Variants in NPAP1 observed in about 807,000 individuals in gnomAD.
NPAP1 encodes the protein nuclear pore associated protein 1, also known as nuclear pore-associated protein 1.
For missense variants in NPAP1, 1,483 were observed against 1,454.5 expected, an observed-to-expected ratio of 1.02 and a Z score of -0.32; for synonymous variants, 616 against 581.4, an observed-to-expected ratio of 1.06 and a Z score of -0.86.
Position 24,678,707 on chromosome 15 carries a change from A to C in NPAP1, c.2840A>C (p.Glu947Ala). The change falls in exon 1 of 1, where the codon GAG (glutamate) becomes GCG (alanine). Residue 947 changes from glutamate (E) to alanine (A), a missense_variant. Transcript: ENST00000329468. ...AGCATAATTCCACCAGGTTTTGCAG[A>C]GTTAACATCACCATATACTGCATTG... Reference protein sequence around the residue: ...SGSIIPPGFAELTSPYTALGT... With the variant: ...SGSIIPPGFAALTSPYTALGT... 1 of 1,614,186 alleles carries C rather than the reference A, an allele frequency of 6.2e-7. No individual in the cohort carries two copies. Among genetic ancestry groups the C allele is most frequent in the Non-Finnish European group, 8.5e-7 (1 of 1,180,042 alleles).
rs993906314 is a variant in NPAP1, at chr15:24,682,745, A to T, written c.*3407A>T. ...TTTTCTCCTTGAACTCTTTTCCCAT[A>T]AAAAAAAAATGTTTTTGGTTTCTAG... On this transcript the variant is annotated 3_prime_UTR_variant, in exon 1 of 1. Coordinates refer to ENST00000329468, the MANE Select transcript of NPAP1 (RefSeq NM_018958.3). The T allele has an allele frequency of 2.0e-4, 33 of 161,124 alleles. No individual in the cohort carries two copies. The highest frequency in any genetic ancestry group is 5.8e-4 in the African/African-American group (23 of 39,934). The allele number at this position is 161,124 out of a possible 1,614,324, so 10.0% of individuals were successfully genotyped here. A position where few individuals can be genotyped will look rare whatever the true frequency, so the allele number is the denominator to read the frequency against.
In NPAP1 at chr15:24,678,484, A is replaced by G; in HGVS notation, c.2617A>G (p.Thr873Ala). The G allele has an allele frequency of 6.2e-7, 1 of 1,614,162 alleles. No individual in the cohort carries two copies. Among genetic ancestry groups the G allele is most frequent in the Non-Finnish European group, 8.5e-7 (1 of 1,180,030 alleles). Reference sequence around the variant, plus strand: ...CAGCATTGCCTCAGCCCAAGTCTCCACCAGTTTTCCTGCACAGGCAGATAG... The same window carrying G: ...CAGCATTGCCTCAGCCCAAGTCTCCGCCAGTTTTCCTGCACAGGCAGATAG... ...SDSIASAQVS[T>A]SFPAQADRRP... The change falls in exon 1 of 1, where the codon ACC becomes GCC. Residue 873 changes from threonine (T) to alanine (A), a missense_variant. Coordinates refer to ENST00000329468, the MANE Select transcript of NPAP1 (RefSeq NM_018958.3).
chr15:24,677,132 C>A lies in NPAP1; in HGVS notation c.1265C>A (p.Ala422Asp). ...ACCACTTACACTTCCCAGGTCTCAG[C>A]TCCTTTGCCCATCCCTGACTTGGCT... The part of the protein sequence containing the change: ...PLTTYTSQVS[A>D]PLPIPDLADL... The change falls in exon 1 of 1, where the codon GCT becomes GAT. Residue 422 changes from alanine (A) to aspartate (D), a missense_variant. Ala to Asp is a moderately radical substitution (Grantham distance 126). Transcript: ENST00000329468. The A allele has an allele frequency of 6.2e-7, 1 of 1,614,122 alleles. No individual in the cohort carries two copies. Among genetic ancestry groups the A allele is most frequent in the Non-Finnish European group, 8.5e-7 (1 of 1,180,020 alleles).
Position 24,677,692 on chromosome 15 carries a change from G to T in NPAP1, c.1825G>T (p.Ala609Ser), listed in dbSNP as rs1471787506. 1 of 1,614,178 alleles carries T rather than the reference G, an allele frequency of 6.2e-7. No individual in the cohort carries two copies. Residue 609 changes from alanine to serine, a missense_variant, in exon 1 of 1, where the codon GCA (alanine) becomes TCA (serine). Transcript: ENST00000329468. ...SLPNSQIHCS[A>S]EQRHPGKTSV... Reference sequence around the variant, plus strand: ...CCCAAATTCCCAAATACATTGCAGTGCAGAGCAGAGGCACCCGGGAAAGAC... The same window carrying T: ...CCCAAATTCCCAAATACATTGCAGTTCAGAGCAGAGGCACCCGGGAAAGAC...
rs2141310229 is a variant in NPAP1 at position 24,677,380 on chromosome 15, C to T, written c.1513C>T (p.Pro505Ser). 6.2e-7 allele frequency: 1 copy of T among 1,614,108 alleles called. No individual in the cohort carries two copies. The highest frequency in any genetic ancestry group is 8.5e-7 in the Non-Finnish European group (1 of 1,179,992). Reference sequence around the variant, plus strand: ...CCCCCCAACACCTCCTAGCTCCACACCCTCCTTCAAGCCTCCCGTCACAAG... The same window carrying T: ...CCCCCCAACACCTCCTAGCTCCACATCCTCCTTCAAGCCTCCCGTCACAAG... ...SDPPTPPSST[P>S]SFKPPVTRES... The change falls in exon 1 of 1, where the codon CCC (proline) becomes TCC (serine). Residue 505 changes from proline (P) to serine (S), a missense_variant. Physicochemically the swap from Pro to Ser is moderately conservative, Grantham distance 74. Transcript: ENST00000329468.
At position 24,676,449 on chromosome 15, in the gene NPAP1, C is replaced by T. The variant is rs1243896380; in HGVS notation, c.582C>T (p.Thr194=). ...CGTCCACATCCAGGTCCCAGGGCACCCAGGGAGACGTGGCCTCCTTCAGAT... is the reference window on the plus strand; with the variant it reads ...CGTCCACATCCAGGTCCCAGGGCACTCAGGGAGACGTGGCCTCCTTCAGAT... ...EASSTSRSQG[T]QGDVASFRCS... is the part of the protein sequence containing the mutation. The change falls in exon 1 of 1, where the codon ACC becomes ACT. Residue 194 remains threonine, a synonymous_variant. Coordinates refer to ENST00000329468, the MANE Select transcript of NPAP1 (RefSeq NM_018958.3). The T allele has an allele frequency of 1.2e-6, 2 of 1,613,170 alleles. No homozygotes were observed. The highest frequency in any genetic ancestry group is 3.3e-5 in the Admixed American group (2 of 59,868).
rs764805101 is a variant in NPAP1, at chr15:24,676,258, C to G, written c.391C>G (p.Arg131Gly). ...GTTCACTCTCCTGCTGCCTTCACCA[C>G]GTGAGCCGGCGGTCAAGGCCAGGAA... is the stretch of plus-strand genomic sequence containing the variant. ...RMFTLLLPSP[R>G]EPAVKARKPI... Residue 131 changes from arginine (R) to glycine (G), a missense_variant, in exon 1 of 1, where the codon CGT becomes GGT. Physicochemically the swap from Arg to Gly is moderately radical, Grantham distance 125 (BLOSUM62 -2). Coordinates refer to ENST00000329468, the MANE Select transcript of NPAP1 (RefSeq NM_018958.3). 1.4e-5 allele frequency: 22 copies of G among 1,519,690 alleles called. No homozygotes were observed. The highest frequency in any genetic ancestry group is 1.5e-5 in the Non-Finnish European group (17 of 1,135,984). The allele number at this position is 1,519,690 out of a possible 1,614,324, so 94.1% of individuals were successfully genotyped here. A position where few individuals can be genotyped will look rare whatever the true frequency, so the allele number is the denominator to read the frequency against.
In NPAP1 at chr15:24,678,622, C is replaced by T. The variant is rs758481864; in HGVS notation, c.2755C>T (p.Pro919Ser). ...TGACAGTTCTTTTATTCTGGGGAAT[C>T]CAGCAACCCCAGCACCAGTTATAGG... ...KSDSSFILGNPATPAPVIGLT... is the reference protein window; with the variant it reads ...KSDSSFILGNSATPAPVIGLT... The change falls in exon 1 of 1, where the codon CCA becomes TCA. Residue 919 changes from proline (P) to serine (S), a missense_variant. By Grantham distance (74) the Pro-to-Ser change is moderately conservative. Coordinates refer to ENST00000329468, the MANE Select transcript of NPAP1 (RefSeq NM_018958.3). 3.7e-6 allele frequency: 6 copies of T among 1,613,866 alleles called. No homozygotes were observed. In the Admixed American group the frequency reaches 1.0e-4, roughly 27 times the overall value.
In NPAP1 at chr15:24,675,944, C is replaced by T. The variant is rs2141306937; in HGVS notation, c.77C>T (p.Ala26Val). The change falls in exon 1 of 1, where the codon GCT (alanine) becomes GTT (valine). Residue 26 changes from alanine (A) to valine (V), a missense_variant. By Grantham distance (64) the Ala-to-Val change is moderately conservative. Coordinates refer to ENST00000329468, the MANE Select transcript of NPAP1 (RefSeq NM_018958.3). ...CCAGGGCCAGGGCGTGGCGCCCCCGCTCCCCTGTCCCGGGACGCCTCCCCG... is the reference window on the plus strand; with the variant it reads ...CCAGGGCCAGGGCGTGGCGCCCCCGTTCCCCTGTCCCGGGACGCCTCCCCG... ...PLPGPGRGAP[A>V]PLSRDASPPG... is the part of the protein sequence containing the mutation. The T allele has an allele frequency of 6.3e-7, 1 of 1,587,174 alleles. No homozygotes were observed. Among genetic ancestry groups the T allele is most frequent in the Non-Finnish European group, 8.6e-7 (1 of 1,169,192 alleles).
chr15:24,676,385 A>G lies in NPAP1; in HGVS notation c.518A>G (p.Asp173Gly), dbSNP rs2141307888. The G allele has an allele frequency of 6.4e-7, 1 of 1,567,150 alleles. No homozygotes were observed. Among genetic ancestry groups the G allele is most frequent in the Non-Finnish European group, 8.6e-7 (1 of 1,159,286 alleles). ...GATCCGGTGCAGATCGAAGGGGAGG[A>G]TGACGAGAAAAGGACCCCCCTTAGC... ...DEDPVQIEGE[D>G]DEKRTPLSSG... Residue 173 changes from aspartate (D) to glycine (G), a missense_variant, in exon 1 of 1, where the codon GAT (aspartate) becomes GGT (glycine). By Grantham distance (94) the Asp-to-Gly change is moderately conservative (BLOSUM62 -1). Coordinates refer to ENST00000329468, the MANE Select transcript of NPAP1 (RefSeq NM_018958.3).
chr15:24,677,844 T>G lies in NPAP1; in HGVS notation c.1977T>G (p.Ala659=). ...CTCCTGATGGGCAGCCGCAGAAAGC[T>G]TCTCTCCCCAGTGCCTGTGTTTTCC... ...FEAPDGQPQK[A]SLPSACVFLS... Residue 659 remains alanine (A), a synonymous_variant, in exon 1 of 1, where the codon GCT becomes GCG. Transcript: ENST00000329468. The G allele has an allele frequency of 6.2e-7, 1 of 1,612,556 alleles. No homozygotes were observed. Among genetic ancestry groups the G allele is most frequent in the Non-Finnish European group, 8.5e-7 (1 of 1,179,546 alleles).
At position 24,676,569 on chromosome 15, in the gene NPAP1, G is replaced by A. The variant is rs2141308287; in HGVS notation, c.702G>A (p.Leu234=). ...KAQASPASSC[L]EGPAMPSTHS... ...AGGCGTCTCCAGCGAGCTCCTGCTT[G>A]GAAGGCCCTGCCATGCCCAGCACAC... is the stretch of plus-strand genomic sequence containing the variant. The change falls in exon 1 of 1, where the codon TTG becomes TTA. Residue 234 remains leucine (L), a synonymous_variant. Coordinates refer to ENST00000329468, the MANE Select transcript of NPAP1 (RefSeq NM_018958.3). The A allele has an allele frequency of 6.2e-7, 1 of 1,614,060 alleles. No homozygotes were observed. Among genetic ancestry groups the A allele is most frequent in the Non-Finnish European group, 8.5e-7 (1 of 1,180,028 alleles).
Position 24,679,148 on chromosome 15 carries a change from C to A in NPAP1, c.3281C>A (p.Pro1094His), listed in dbSNP as rs2141314212. 2 of 1,614,178 alleles carry A rather than the reference C, an allele frequency of 1.2e-6. No individual in the cohort carries two copies. Among genetic ancestry groups the A allele is most frequent in the Non-Finnish European group, 1.7e-6 (2 of 1,180,032 alleles). ...AAAYIPGLDP[P>H]TQNSCSGMGG... Reference sequence around the variant, plus strand: ...GCCTACATTCCTGGTTTAGACCCACCTACCCAGAATTCATGCAGTGGTATG... The same window carrying A: ...GCCTACATTCCTGGTTTAGACCCACATACCCAGAATTCATGCAGTGGTATG... Residue 1094 changes from proline (P) to histidine (H), a missense_variant, in exon 1 of 1, where the codon CCT (proline) becomes CAT (histidine). Transcript: ENST00000329468.
In NPAP1 at chr15:24,676,297, A is replaced by C. The variant is rs1254780759; in HGVS notation, c.430A>C (p.Thr144Pro). Residue 144 changes from threonine (T) to proline (P), a missense_variant, in exon 1 of 1, where the codon ACT becomes CCT. Transcript: ENST00000329468. ...CAAGGCCAGGAAGCCCATCCCAGCC[A>C]CTCTCCTGGAGGAGACCGAGGTGTG... is the stretch of plus-strand genomic sequence containing the variant. ...AVKARKPIPATLLEETEVWAQ... is the reference protein window; with the variant it reads ...AVKARKPIPAPLLEETEVWAQ... The C allele has an allele frequency of 4.0e-6, 6 of 1,518,494 alleles. No individual in the cohort carries two copies. Among genetic ancestry groups the C allele is most frequent in the Non-Finnish European group, 5.3e-6 (6 of 1,135,098 alleles). 94.1% of individuals were successfully genotyped at this position (1,518,494 alleles called of 1,614,324 possible).
At position 24,676,804 on chromosome 15, in the gene NPAP1, A is replaced by G; in HGVS notation, c.937A>G (p.Arg313Gly). 6.2e-7 allele frequency: 1 copy of G among 1,613,202 alleles called. No homozygotes were observed. The change falls in exon 1 of 1, where the codon AGG (arginine) becomes GGG (glycine). Residue 313 changes from arginine (R) to glycine (G), a missense_variant. Arg to Gly is a moderately radical substitution (Grantham distance 125). Coordinates refer to ENST00000329468, the MANE Select transcript of NPAP1 (RefSeq NM_018958.3). ...PDEKPFCIPP[R>G]SAAPPRAARN... ...TGAGAAGCCTTTCTGTATTCCTCCA[A>G]GGAGCGCTGCTCCTCCCAGAGCTGC...
Position 24,679,447 on chromosome 15 carries a change from C to T in NPAP1, c.*109C>T. 1 of 814,988 alleles carries T rather than the reference C, an allele frequency of 1.2e-6. No homozygotes were observed. Among genetic ancestry groups the T allele is most frequent in the South Asian group, 1.7e-5 (1 of 58,610 alleles). 50.5% of individuals were successfully genotyped at this position (814,988 alleles called of 1,614,324 possible). A position where few individuals can be genotyped will look rare whatever the true frequency, so the allele number is the denominator to read the frequency against. On this transcript the variant is annotated 3_prime_UTR_variant, in exon 1 of 1. Coordinates refer to ENST00000329468, the MANE Select transcript of NPAP1 (RefSeq NM_018958.3). ...GTTTCATCTTCATGCCAAGCACCTG[C>T]CATGTACCTCTCCAGAACTCAGGTT...
At position 24,677,382 on chromosome 15, in the gene NPAP1, C is replaced by T. The variant is rs867249442; in HGVS notation, c.1515C>T (p.Pro505=). 4 of 1,614,142 alleles carry T rather than the reference C, an allele frequency of 2.5e-6. No homozygotes were observed. Among genetic ancestry groups the T allele is most frequent in the African/African-American group, 2.7e-5 (2 of 75,052 alleles). Residue 505 remains proline, a synonymous_variant, in exon 1 of 1, where the codon CCC becomes CCT. Transcript: ENST00000329468. ...SDPPTPPSST[P]SFKPPVTRES... ...CCCCAACACCTCCTAGCTCCACACCCTCCTTCAAGCCTCCCGTCACAAGGG... is the reference window on the plus strand; with the variant it reads ...CCCCAACACCTCCTAGCTCCACACCTTCCTTCAAGCCTCCCGTCACAAGGG...
rs868326604 is a variant in NPAP1, at chr15:24,678,891, T to A, written c.3024T>A (p.Ile1008=). Residue 1008 remains isoleucine, a synonymous_variant, in exon 1 of 1, where the codon ATT becomes ATA. Transcript: ENST00000329468. ...VGNTIPGPQV[I]MGPGTPMDGG... ...ATACTATTCCAGGCCCACAAGTGATTATGGGACCTGGAACCCCTATGGATG... is the reference window on the plus strand; with the variant it reads ...ATACTATTCCAGGCCCACAAGTGATAATGGGACCTGGAACCCCTATGGATG... 15 of 1,614,170 alleles carry A rather than the reference T, an allele frequency of 9.3e-6. No individual in the cohort carries two copies. In the Middle Eastern group the frequency reaches 1.8e-3, roughly 195 times the overall value.
In NPAP1 at chr15:24,682,881, G is replaced by A. The variant is rs1315964895; in HGVS notation, c.*3543G>A. 6.0e-6 allele frequency: 1 copy of A among 167,104 alleles called. No homozygotes were observed. The highest frequency in any genetic ancestry group is 1.9e-4 in the East Asian group (1 of 5,200). 10.4% of individuals were successfully genotyped at this position (167,104 alleles called of 1,614,324 possible). A position where few individuals can be genotyped will look rare whatever the true frequency, so the allele number is the denominator to read the frequency against. On this transcript the variant is annotated 3_prime_UTR_variant, in exon 1 of 1. Coordinates refer to ENST00000329468, the MANE Select transcript of NPAP1 (RefSeq NM_018958.3). ...GACCAAAGTAAATGTAAAAAGTAAA[G>A]TAGAGGTTCCTCTTCAAAGACTTTC...
Sources: allele counts gnomAD v4.1 joint callset, GRCh38; gene constraint gnomAD v4.1.1; transcripts MANE v1.5; gene names NCBI Gene and HGNC (gene_info 2026-07-23, HGNC 2026-07-21).